The following ANO10 variants were observed in gnomAD, a reference collection of about 807,000 sequenced individuals.
ANO10 encodes anoctamin 10.
ANO10 carries 77 observed loss-of-function variants against 74.7 expected under a neutral mutation model. That is an observed-to-expected ratio of 1.03 (90% CI 0.86 to 1.25). The LOEUF (loss-of-function observed/expected upper bound fraction) is 1.25. Among genes scored for constraint, ANO10 ranks in the 50% most tolerant of loss-of-function variants. The pLI is 0.00. For missense variants in ANO10, 721 were observed against 778.1 expected, an observed-to-expected ratio of 0.93 and a Z score of 0.87; for synonymous variants, 279 against 284.9, an observed-to-expected ratio of 0.98 and a Z score of 0.21.
chr3:43,404,755 G>A (rs2092544331), intron 12 of ANO10, among the ~76,000 whole-genome samples: 1 of 151,562 alleles, frequency 6.6e-6, no homozygotes. Context: ...ATGGTGGTGT[G>A]CACCTGTGGT....
At chr3:43,671,253 T>G (rs1265389709) in intron 1 of ANO10, among the ~76,000 whole-genome samples, 1 of 152,092 alleles carries the variant, frequency 6.6e-6, no homozygotes, top group Non-Finnish European at 1.5e-5. Context: ...TCTGAGTACT[T>G]TTAGGAATTA....
chr3:43,584,902 G>A (rs1424995375), intron 4 of ANO10, among the ~76,000 whole-genome samples: 6 of 152,100 alleles, frequency 3.9e-5, no homozygotes, highest in Admixed American at 6.6e-5. Context: ...CAGTCTTGAG[G>A]GGTATCACAT....
intron 12 of ANO10, among the ~76,000 whole-genome samples, chr3:43,380,369 G>C (rs2091925569): frequency 6.6e-6 from 1 of 152,158 alleles, no homozygotes; most frequent in Non-Finnish European, 1.5e-5. Context: ...TTATCACTTA[G>C]GGACATAGTC....
chr3:43,577,186 A>G lies in ANO10; in HGVS notation c.668T>C (p.Ile223Thr), dbSNP rs763560921. 1.2e-6 allele frequency: 2 copies of G among 1,614,184 alleles called. No homozygotes were observed. Among genetic ancestry groups the G allele is most frequent in the Admixed American group, 3.3e-5 (2 of 60,020 alleles). ...GFLEYFTFAL[I>T]PMAVIGLPYY... The stretch of plus-strand genomic sequence containing the variant: ...AGGTAACCCAATGACAGCCATGGGG[A>G]TTAATGCAAAAGTGAAATACTCCAA... Residue 223 changes from isoleucine to threonine, a missense_variant, in exon 6 of 13, where the codon ATC (isoleucine) becomes ACC (threonine). By Grantham distance (89) the Ile-to-Thr change is moderately conservative. Coordinates refer to ENST00000292246, the MANE Select transcript of ANO10 (RefSeq NM_018075.5).
At chr3:43,655,814 T>A (rs1440735707) in intron 1 of ANO10, among the ~76,000 whole-genome samples, 7 of 122,872 alleles carry the variant, frequency 5.7e-5, no homozygotes, top group African/African-American at 2.2e-4. Context: ...TGCCGATTGG[T>A]GTATTTACAA....
At chr3:43,657,363 C>T (rs2083869587) in intron 1 of ANO10, among the ~76,000 whole-genome samples, 1 of 152,200 alleles carries the variant, frequency 6.6e-6, no homozygotes, top group Non-Finnish European at 1.5e-5. Context: ...CCATGTTGAT[C>T]CCAAATGGAG....
At chr3:43,595,451 G>C (rs1356942434) in intron 4 of ANO10, among the ~76,000 whole-genome samples, 1 of 152,120 alleles carries the variant, frequency 6.6e-6, no homozygotes, top group African/African-American at 2.4e-5. Context: ...ATGCAAGGAT[G>C]GTTCAACATG....
At chr3:43,669,601 T>C (rs1430349737) in intron 1 of ANO10, among the ~76,000 whole-genome samples, 1 of 152,182 alleles carries the variant, frequency 6.6e-6, no homozygotes, top group Admixed American at 6.5e-5. Context: ...ACTTCTCTGA[T>C]GGAGCTAAAA....
chr3:43,558,710 A>T (rs1023037930), intron 9 of ANO10, among the ~76,000 whole-genome samples: 8 of 152,240 alleles, frequency 5.3e-5, no homozygotes, highest in African/African-American at 1.7e-4. Context: ...AATTAGGAGA[A>T]AAATGGACCC....
At chr3:43,595,201 C>T (rs924439991) in intron 4 of ANO10, among the ~76,000 whole-genome samples, 1 of 152,212 alleles carries the variant, frequency 6.6e-6, no homozygotes, top group African/African-American at 2.4e-5. Context: ...GGAGCTGGCA[C>T]CATTCCTTCT....
At chr3:43,626,559 C>A (rs1388742563), upstream of ANO10, among the ~76,000 whole-genome samples, 1 of 149,886 alleles carries the variant, frequency 6.7e-6, no homozygotes, top group Non-Finnish European at 1.5e-5. Flanking sequence ...CCTTGGCCTC[C>A]CAAAGTGCTG....
At chr3:43,514,354 G>A (rs1255633478) in intron 11 of ANO10, among the ~76,000 whole-genome samples, 2 of 152,054 alleles carry the variant, frequency 1.3e-5, no homozygotes. Context: ...CTTAGTATTA[G>A]ATAAAGTAGA....
At chr3:43,560,024 G>T (rs1401256229) in intron 9 of ANO10, among the ~76,000 whole-genome samples, 2 of 152,164 alleles carry the variant, frequency 1.3e-5, no homozygotes, top group Non-Finnish European at 2.9e-5. Flanking sequence ...GACAGAAGGG[G>T]CTAGGATCTG....
chr3:43,410,448 C>A (rs2092647246), intron 12 of ANO10, among the ~76,000 whole-genome samples: 1 of 151,976 alleles, frequency 6.6e-6, no homozygotes, highest in Non-Finnish European at 1.5e-5. Flanking sequence ...CCTATTACTG[C>A]CATTTAAAGA....
Position 43,562,104 on chromosome 3 carries a change from C to T in ANO10, c.1294-702G>A, listed in dbSNP as rs575496582. Among the ~76,000 whole-genome samples, 393 of 152,210 alleles carry T rather than the reference C, an allele frequency of 2.6e-3. 2 individuals carry two copies. The highest frequency in any genetic ancestry group is 9.2e-3 in the African/African-American group (380 of 41,520). On this transcript the variant is annotated intron_variant, in intron 8 of 12. Coordinates refer to ENST00000292246, the MANE Select transcript of ANO10 (RefSeq NM_018075.5). ...TGTATATTGAGGCAGGGTGCAGTGG[C>T]TCATGCCTGTAATCCCAGTACTTTG... is the stretch of plus-strand genomic sequence containing the variant.
In ANO10 at chr3:43,570,184, G is replaced by T. The variant is rs562209535; in HGVS notation, c.1219-4457C>A. 9.0e-5 allele frequency among the ~76,000 whole-genome samples: 12 copies of T among 133,654 alleles called. No homozygotes were observed. The South Asian group carries it at 3.3e-3, about 36-fold the overall frequency. The allele number at this position is 133,654 out of a possible 152,430, so 87.7% of individuals were successfully genotyped here. A position where few individuals can be genotyped will look rare whatever the true frequency, so the allele number is the denominator to read the frequency against. On this transcript the variant is annotated intron_variant, in intron 7 of 12. Coordinates refer to ENST00000292246, the MANE Select transcript of ANO10 (RefSeq NM_018075.5). ...AACCACTGCTCAAGGAAATAAAAGAGGATACAAACAAATGGAAGAACATTC... is the reference window on the plus strand; with the variant it reads ...AACCACTGCTCAAGGAAATAAAAGATGATACAAACAAATGGAAGAACATTC...
chr3:43,595,475 A>T (rs2082030937), intron 4 of ANO10, among the ~76,000 whole-genome samples: 1 of 152,156 alleles, frequency 6.6e-6, no homozygotes, highest in Non-Finnish European at 1.5e-5. Context: ...ATCAATAAAC[A>T]TAATCCATCG....
chr3:43,664,079 C>A (rs983129871), intron 1 of ANO10, among the ~76,000 whole-genome samples: 4 of 152,160 alleles, frequency 2.6e-5, no homozygotes, highest in Admixed American at 1.3e-4. Context: ...CCAAGACAAT[C>A]CTGGGCAAGA....
intron 4 of ANO10, among the ~76,000 whole-genome samples, chr3:43,591,457 T>A (rs1431467491): frequency 6.6e-6 from 1 of 152,146 alleles, no homozygotes; most frequent in Non-Finnish European, 1.5e-5. Context: ...AAGGATCCAT[T>A]CCTTGGAATC....
Sources: allele counts gnomAD v4.1 joint callset (sites outside exome capture counted in the v4.1 genomes callset), GRCh38; gene constraint gnomAD v4.1.1; transcripts MANE v1.5; gene names NCBI Gene and HGNC (gene_info 2026-07-23, HGNC 2026-07-21).